ESX1: variants seen among roughly 807,000 people sequenced by gnomAD.
The protein encoded by ESX1 is homeobox protein ESX1.
Under a neutral mutation model 13.2 loss-of-function variants are expected in ESX1, and 2 were observed. The ratio of observed to expected loss-of-function variants is 0.15; its 90% CI spans 0.06 to 0.48. The LOEUF (loss-of-function observed/expected upper bound fraction) is 0.48, where lower values mean the gene tolerates loss of function less well. ESX1 is among the 20% of genes least tolerant of loss of function. The pLI is 0.97. For synonymous variants in ESX1, 157 were observed against 163.1 expected, an observed-to-expected ratio of 0.96 and a Z score of 0.29; for missense variants, 307 against 379.0, an observed-to-expected ratio of 0.81 and a Z score of 1.58.
intron 1 of ESX1, 33 bp from the exon 2 acceptor site, chrX:104,254,610 G>A: frequency 4.2e-6 from 5 of 1,193,304 alleles, no homozygotes; most frequent in African/African-American, 1.7e-5. Context: ...GAGACACCAG[G>A]GCGTTGGAGC....
At chrX:104,254,045 C>A (rs1411475119) in intron 2 of ESX1, 109 bp downstream of exon 2, 1 of 966,076 alleles carries the variant, frequency 1.0e-6, no homozygotes, top group African/African-American at 1.9e-5. Flanking sequence ...CCCACCACGT[C>A]CCCCAAAAAC....
Position 104,254,550 on chromosome X carries a change from A to C in ESX1, c.110T>G (p.Met37Arg). 8.3e-7 allele frequency: 1 copy of C among 1,208,892 alleles called. No homozygotes were observed. The highest frequency in any genetic ancestry group is 1.1e-6 in the Non-Finnish European group (1 of 893,421). ...NDEKLTVTSL[M>R]ARGGEDEENT... Reference sequence around the variant, plus strand: ...CTCCTCGTCCTCTCCTCCCCTTGCCATCAGCGAGGTCACGGTAAGTTTCTC... The same window carrying C: ...CTCCTCGTCCTCTCCTCCCCTTGCCCTCAGCGAGGTCACGGTAAGTTTCTC... Residue 37 changes from methionine (M) to arginine (R), a missense_variant, in exon 2 of 4, where the codon ATG becomes AGG. Coordinates refer to ENST00000372588, the MANE Select transcript of ESX1 (RefSeq NM_153448.4).
At chrX:104,254,014 T>C in intron 2 of ESX1, 140 bp downstream of exon 2, 1 of 757,617 alleles carries the variant, frequency 1.3e-6, no homozygotes, top group Non-Finnish European at 1.9e-6. Context: ...CGCCCCAGTC[T>C]TTTACATCCT....
chrX:104,254,859 G>C lies in ESX1; in HGVS notation c.-10C>G. The C allele has an allele frequency of 2.5e-6, 3 of 1,193,187 alleles. No individual in the cohort carries two copies. Among genetic ancestry groups the C allele is most frequent in the Non-Finnish European group, 3.4e-6 (3 of 878,877 alleles). ...CGCGAAGAGACTCCATGCTTCAAGC[G>C]CTGTCGATAAAGCTGTGCACTTCTG... On this transcript the variant is annotated 5_prime_UTR_variant, in exon 1 of 4. Transcript: ENST00000372588.
At chrX:104,251,005 G>C in intron 3 of ESX1, 109 bp from the exon 4 acceptor site, 2 of 681,092 alleles carry the variant, frequency 2.9e-6, no homozygotes, top group South Asian at 5.9e-5. Flanking sequence ...AACTGCAACA[G>C]GTGAAGCTAT....
intron 2 of ESX1, among the ~76,000 whole-genome samples, chrX:104,253,045 A>G (rs1411327643): frequency 5.5e-5 from 6 of 109,624 alleles, no homozygotes; most frequent in Non-Finnish European, 1.1e-4. Flanking sequence ...GCTACTCGGG[A>G]GGCTGAGGCA....
At chrX:104,250,982 C>T (rs1923171302) in intron 3 of ESX1, 86 bp from the exon 4 acceptor site, 1 of 832,831 alleles carries the variant, frequency 1.2e-6, no homozygotes, top group Non-Finnish European at 1.7e-6. Flanking sequence ...TTCTATATGC[C>T]ACTGAGACTT....
chrX:104,251,006 G>A (rs1923172221), intron 3 of ESX1, 110 bp from the exon 4 acceptor site: 6 of 680,103 alleles, frequency 8.8e-6, no homozygotes, highest in Non-Finnish European at 1.3e-5. Context: ...ACTGCAACAG[G>A]TGAAGCTATT....
chrX:104,254,111 G>A, intron 2 of ESX1, 43 bp downstream of exon 2: 2 of 1,154,321 alleles, frequency 1.7e-6, no homozygotes, highest in Non-Finnish European at 1.2e-6. Flanking sequence ...TCCGGTGAAA[G>A]GGTCCCGGGA....
intron 3 of ESX1, among the ~76,000 whole-genome samples, chrX:104,251,311 A>T (rs1327455094): frequency 8.9e-6 from 1 of 112,114 alleles, no homozygotes; most frequent in Non-Finnish European, 1.9e-5. Flanking sequence ...TCCTTCCTTC[A>T]TAAATCCATT....
chrX:104,254,422 G>C lies in ESX1; in HGVS notation c.238C>G (p.His80Asp), dbSNP rs781937785. The C allele has an allele frequency of 1.1e-5, 13 of 1,210,161 alleles. No homozygotes were observed. The South Asian group carries it at 1.9e-4, about 18-fold the overall frequency. Reference sequence around the variant, plus strand: ...TCCTCCTGCTGTTGCTCCGGCTCGTGGCCGCCGCCACCCTCACGGTCTTGG... The same window carrying C: ...TCCTCCTGCTGTTGCTCCGGCTCGTCGCCGCCGCCACCCTCACGGTCTTGG... ...DDQDREGGGGHEPEQQQEEPP... is the reference protein window; with the variant it reads ...DDQDREGGGGDEPEQQQEEPP... The change falls in exon 2 of 4, where the codon CAC (histidine) becomes GAC (aspartate). Residue 80 changes from histidine to aspartate, a missense_variant. His to Asp is a moderately conservative substitution (Grantham distance 81). Around this residue, in one of 3 missense-constraint regions of ESX1, gnomAD observed 152 missense variants for 114.5 expected, o/e 1.33. Transcript: ENST00000372588.
chrX:104,250,582 T>A lies in ESX1; in HGVS notation c.867A>T (p.Pro289=). 1 of 1,168,130 alleles carries A rather than the reference T, an allele frequency of 8.6e-7. No homozygotes were observed. The highest frequency in any genetic ancestry group is 1.1e-6 in the Non-Finnish European group (1 of 872,994). ...GSRMAPVPPG[P]RMAPVPPWPP... ...GCCAGGGTGGCACAGGCGCCATGCG[T>A]GGCCCGGGTGGCACAGGCGCCATGC... The change falls in exon 4 of 4, where the codon CCA becomes CCT. Residue 289 remains proline (P), a synonymous_variant. Transcript: ENST00000372588.
At chrX:104,253,492 T>G (rs1556394923) in intron 2 of ESX1, among the ~76,000 whole-genome samples, 1 of 110,375 alleles carries the variant, frequency 9.1e-6, no homozygotes. Flanking sequence ...AAAGGAGAGG[T>G]GAACTCTCAG....
chrX:104,252,708 G>A (rs1199319642), intron 3 of ESX1, 75 bp downstream of exon 3: 2 of 1,004,322 alleles, frequency 2.0e-6, no homozygotes, highest in Non-Finnish European at 2.8e-6. Flanking sequence ...ACCAGCTTGA[G>A]AATGTCCAGG....
At chrX:104,254,006 C>G in intron 2 of ESX1, 148 bp downstream of exon 2, 1 of 715,294 alleles carries the variant, frequency 1.4e-6, no homozygotes, top group Non-Finnish European at 2.1e-6. Context: ...CCTAGTCCCG[C>G]CCCAGTCTTT....
rs782151395 is a variant in ESX1 at position 104,254,345 on chromosome X, C to T, written c.315G>A (p.Glu105=). 1 of 1,209,723 alleles carries T rather than the reference C, an allele frequency of 8.3e-7. No homozygotes were observed. Among genetic ancestry groups the T allele is most frequent in the African/African-American group, 1.7e-5 (1 of 57,311 alleles). Residue 105 remains glutamate, a synonymous_variant, in exon 2 of 4, where the codon GAG becomes GAA. Transcript: ENST00000372588. ...GCGGCTCCTCCTGCTCTTGCTTCAG[C>T]TCGAGCAGGGGCGGCTCCTCCTGCT... ...EQQQEEPPLL[E]LKQEQEEPPQ... is the part of the protein sequence containing the mutation.
At position 104,254,675 on chromosome X, in the gene ESX1, A is replaced by C. The variant is rs1923286172; in HGVS notation, c.82+93T>G. On this transcript the variant is annotated intron_variant, in intron 1 of 3. Transcript: ENST00000372588. Reference sequence around the variant, plus strand: ...GACCCGCTATGGAAGAGCAACTGCGACAGCCGCGCAGCGTCTCCTCCGCTT... The same window carrying C: ...GACCCGCTATGGAAGAGCAACTGCGCCAGCCGCGCAGCGTCTCCTCCGCTT... 3 of 1,145,277 alleles carry C rather than the reference A, an allele frequency of 2.6e-6. No homozygotes were observed. The Admixed American group carries it at 6.6e-5, about 25-fold the overall frequency. 94.4% of individuals were successfully genotyped at this position (1,145,277 alleles called of 1,213,427 possible).
In ESX1 at chrX:104,250,054, C is replaced by G. The variant is rs1362900396; in HGVS notation, c.*174G>C. On this transcript the variant is annotated 3_prime_UTR_variant, in exon 4 of 4. Transcript: ENST00000372588. ...AAACCAACGTACTATTAAGTCACAT[C>G]TTTATTGAAAATACTACAATTATGT... The G allele has an allele frequency of 1.3e-4, 82 of 621,813 alleles. No individual in the cohort carries two copies. Among genetic ancestry groups the G allele is most frequent in the Non-Finnish European group, 1.9e-4 (81 of 431,840 alleles). The allele number at this position is 621,813 out of a possible 1,213,427, so 51.2% of individuals were successfully genotyped here.
In ESX1 at chrX:104,254,584, A is replaced by G. The variant is rs1923282280; in HGVS notation, c.83-7T>C. 10 of 1,204,771 alleles carry G rather than the reference A, an allele frequency of 8.3e-6. No homozygotes were observed. The highest frequency in any genetic ancestry group is 1.1e-5 in the Non-Finnish European group (10 of 890,395). On this transcript the variant is annotated splice_region_variant and splice_polypyrimidine_tract_variant and intron_variant, in intron 1 of 3. Transcript: ENST00000372588. The stretch of plus-strand genomic sequence containing the variant: ...GTCACGGTAAGTTTCTCATCTGGGA[A>G]GGGAGGAAAGCAAAAGAGACACCAG...
Sources: gnomAD v4.1 joint callset for allele counts (sites outside exome capture counted in the v4.1 genomes callset) on GRCh38, gnomAD v4.1.1 for gene constraint, gnomAD v4.1.1 regional missense constraint, MANE v1.5 for transcripts, NCBI Gene and HGNC (gene_info 2026-07-23, HGNC 2026-07-21) for gene names.